Variants in TBC1D17 observed in about 807,000 individuals in gnomAD.
TBC1D17 encodes TBC1 domain family, member 17.
Under a neutral mutation model 78.8 loss-of-function variants are expected in TBC1D17, and 69 were observed. The ratio of observed to expected loss-of-function variants is 0.88; its 90% CI spans 0.72 to 1.07. The LOEUF (loss-of-function observed/expected upper bound fraction) is 1.07. Ranked by LOEUF, TBC1D17 falls within the 50% of genes least tolerant of loss-of-function variation. TBC1D17 has a pLI of 0.00. For missense variants in TBC1D17, 957 were observed against 861.0 expected (o/e 1.11, Z -1.39); for synonymous variants, 456 against 358.3 (o/e 1.27, Z -3.08).
At position 49,887,479 on chromosome 19, in the gene TBC1D17, C is replaced by G. The variant is rs780661941; in HGVS notation, c.1448C>G (p.Ser483Cys). The change falls in exon 14 of 17, where the codon TCC becomes TGC. Residue 483 changes from serine (S) to cysteine (C), a missense_variant. Ser to Cys is a moderately radical substitution (Grantham distance 112, BLOSUM62 -1). Coordinates refer to ENST00000221543, the MANE Select transcript of TBC1D17 (RefSeq NM_024682.3). ...TGGGCTCCATGTCATCCCCCAGATT[C>G]CCAGGACTCCGGCTCTCTCTGCTTC... Reference protein sequence around the residue: ...LDPLLCDFLDSQDSGSLCFCF... With the variant: ...LDPLLCDFLDCQDSGSLCFCF... The G allele has an allele frequency of 1.2e-6, 2 of 1,613,782 alleles. No homozygotes were observed. The highest frequency in any genetic ancestry group is 2.7e-5 in the African/African-American group (2 of 74,948).
chr19:49,886,050 T>C (rs576410161), intron 13 of TBC1D17, among the ~76,000 whole-genome samples: 1 of 145,964 alleles, frequency 6.9e-6, no homozygotes, highest in East Asian at 2.0e-4. Context: ...GAGGCCAAGA[T>C]AGGCAGATCA....
chr19:49,880,288 G>A lies in TBC1D17; in HGVS notation c.205G>A (p.Gly69Arg), dbSNP rs933609968. 6.2e-7 allele frequency: 1 copy of A among 1,614,032 alleles called. No individual in the cohort carries two copies. The highest frequency in any genetic ancestry group is 8.5e-7 in the Non-Finnish European group (1 of 1,179,954). ...CCTTTCCTCTCCTAAGGACTCCAGTGGGGGTGACTCATGTGCTTCTGAGGA... is the reference window on the plus strand; with the variant it reads ...CCTTTCCTCTCCTAAGGACTCCAGTAGGGGTGACTCATGTGCTTCTGAGGA... ...QILFSKKDSS[G>R]GDSCASEEEP... The change falls in exon 4 of 17, where the codon GGG (glycine) becomes AGG (arginine). Residue 69 changes from glycine (G) to arginine (R), a missense_variant. Coordinates refer to ENST00000221543, the MANE Select transcript of TBC1D17 (RefSeq NM_024682.3).
chr19:49,886,166 G>C (rs1246084140), intron 13 of TBC1D17, among the ~76,000 whole-genome samples: 1 of 151,910 alleles, frequency 6.6e-6, no homozygotes, highest in East Asian at 1.9e-4. Context: ...TGTAATCCCA[G>C]CTACTCAGGA....
rs948052040 is a variant in TBC1D17, at chr19:49,887,754, C to A, written c.1579C>A (p.Leu527Met). Residue 527 changes from leucine (L) to methionine (M), a missense_variant, in exon 15 of 17, where the codon CTG (leucine) becomes ATG (methionine). Leu to Met is a conservative substitution (Grantham distance 15). Transcript: ENST00000221543. ...AGGGCTCCCTGGCCCCAATCTGCAC[C>A]TGCTGGTGGCCTGCGCCATCCTGGA... ...WTGLPGPNLHLLVACAILDME... is the reference protein window; with the variant it reads ...WTGLPGPNLHMLVACAILDME... The A allele has an allele frequency of 5.0e-6, 8 of 1,613,514 alleles. No individual in the cohort carries two copies. Among genetic ancestry groups the A allele is most frequent in the Non-Finnish European group, 6.8e-6 (8 of 1,179,924 alleles).
intron 5 of TBC1D17, 101 bp downstream of exon 5, chr19:49,881,576 T>C: frequency 8.5e-7 from 1 of 1,181,954 alleles, no homozygotes; most frequent in Non-Finnish European, 1.2e-6. Context: ...TCACACTGAT[T>C]TAAAGGCAGG....
Position 49,888,713 on chromosome 19 carries a change from A to T in TBC1D17, c.*89A>T, listed in dbSNP as rs1174641603. 8.2e-7 allele frequency: 1 copy of T among 1,221,908 alleles called. No individual in the cohort carries two copies. The highest frequency in any genetic ancestry group is 1.1e-6 in the Non-Finnish European group (1 of 901,328). 75.7% of individuals were successfully genotyped at this position (1,221,908 alleles called of 1,614,324 possible). A position where few individuals can be genotyped will look rare whatever the true frequency, so the allele number is the denominator to read the frequency against. On this transcript the variant is annotated 3_prime_UTR_variant, in exon 17 of 17. Transcript: ENST00000221543. ...GCAGGTGTGCTCCGCCGCCCTGCTG[A>T]TAAGCTGGCTTCATTAAACTGACAC...
Position 49,888,332 on chromosome 19 carries a change from G to T in TBC1D17, c.1746+15G>T. 6.5e-7 allele frequency: 1 copy of T among 1,540,894 alleles called. No individual in the cohort carries two copies. Among genetic ancestry groups the T allele is most frequent in the Non-Finnish European group, 8.7e-7 (1 of 1,143,426 alleles). ...CCGCCTGCCCCGTGAGTCCCCGTCC[G>T]CCCCGCAGCGCCCCGCCCGAACCCC... On this transcript the variant is annotated intron_variant, in intron 16 of 16. Coordinates refer to ENST00000221543, the MANE Select transcript of TBC1D17 (RefSeq NM_024682.3).
At position 49,878,141 on chromosome 19, in the gene TBC1D17, A is replaced by C; in HGVS notation, c.22-2A>C. 6.4e-7 allele frequency: 1 copy of C among 1,574,484 alleles called. No homozygotes were observed. Among genetic ancestry groups the C allele is most frequent in the Non-Finnish European group, 8.6e-7 (1 of 1,160,498 alleles). ...AGCCCTCGCTGGTTCCCCCCAACTC[A>C]GGTGGTGTTTGAGAAGGGCGGAGTG... On this transcript the variant is annotated splice_acceptor_variant, in intron 1 of 16. Transcript: ENST00000221543. LOFTEE classifies it high-confidence loss of function.
chr19:49,887,623 CCTGGG>C (rs1436446447), intron 14 of TBC1D17, 50 bp downstream of exon 14: 2 of 1,611,486 alleles, frequency 1.2e-6, no homozygotes, highest in South Asian at 2.2e-5. Context: ...GCTCACCTGC[CCTGGG>C]AGGTTGGGCG....
chr19:49,884,568 T>A lies in TBC1D17; in HGVS notation c.1344+9T>A. ...GCTTCATGGAGCTCGTGGTGAGGCT[T>A]GGGTCAGGGGTGGGACACAGGCCTA... On this transcript the variant is annotated intron_variant, in intron 12 of 16. Transcript: ENST00000221543. The A allele has an allele frequency of 1.2e-6, 2 of 1,614,074 alleles. No individual in the cohort carries two copies. Among genetic ancestry groups the A allele is most frequent in the Non-Finnish European group, 1.7e-6 (2 of 1,179,978 alleles).
intron 1 of TBC1D17, 86 bp downstream of exon 1, chr19:49,877,830 C>T (rs2122411465): frequency 1.4e-6 from 2 of 1,464,366 alleles, no homozygotes; most frequent in Middle Eastern, 1.7e-4. Context: ...CCTTGGCTCT[C>T]GAGAATCCGG....
chr19:49,886,351 C>T (rs2075058268), intron 13 of TBC1D17, among the ~76,000 whole-genome samples: 2 of 152,156 alleles, frequency 1.3e-5, no homozygotes, highest in Non-Finnish European at 2.9e-5. Context: ...TATTCATGAA[C>T]ATTTCCTCGA....
At position 49,887,864 on chromosome 19, in the gene TBC1D17, C is replaced by A. The variant is rs772758834; in HGVS notation, c.1659+30C>A. The A allele has an allele frequency of 3.2e-6, 5 of 1,551,220 alleles. No homozygotes were observed. In the South Asian group the frequency reaches 4.6e-5, roughly 14 times the overall value. On this transcript the variant is annotated intron_variant, in intron 15 of 16. Coordinates refer to ENST00000221543, the MANE Select transcript of TBC1D17 (RefSeq NM_024682.3). ...GGCTCCGGCCCCGCCCCCGCCCTGT[C>A]CCCCCTGAGCTGGGCGCTGCCCAGG... is the stretch of plus-strand genomic sequence containing the variant.
chr19:49,882,135 A>G lies in TBC1D17; in HGVS notation c.622A>G (p.Ser208Gly). ...CCACCTGCAGCTCTTTGACCAGGACAGCTCCAATGTGGTGTCAGTGAGTGT... is the reference window on the plus strand; with the variant it reads ...CCACCTGCAGCTCTTTGACCAGGACGGCTCCAATGTGGTGTCAGTGAGTGT... ...FHHLQLFDQD[S>G]SNVVSRFLQD... Residue 208 changes from serine (S) to glycine (G), a missense_variant, in exon 6 of 17, where the codon AGC becomes GGC. Transcript: ENST00000221543. 6.2e-7 allele frequency: 1 copy of G among 1,614,058 alleles called. No homozygotes were observed. The highest frequency in any genetic ancestry group is 8.5e-7 in the Non-Finnish European group (1 of 1,179,998).
At chr19:49,878,307 C>A in intron 2 of TBC1D17, 66 bp downstream of exon 2, 1 of 1,464,174 alleles carries the variant, frequency 6.8e-7, no homozygotes, top group Non-Finnish European at 9.3e-7. Flanking sequence ...GGGATGCAGG[C>A]GGCAGCTGTA....
At chr19:49,884,077 G>A (rs118135019) in intron 10 of TBC1D17, among the ~76,000 whole-genome samples, 176 bp from the exon 11 acceptor site, 145 of 152,278 alleles carry the variant, frequency 9.5e-4, no homozygotes, top group South Asian at 4.1e-3. Context: ...GAGGCCTGGC[G>A]CCTCACAGCA....
intron 7 of TBC1D17, among the ~76,000 whole-genome samples, 182 bp downstream of exon 7, chr19:49,882,582 A>AT (rs1291965819): frequency 6.6e-6 from 1 of 152,154 alleles, no homozygotes; most frequent in Non-Finnish European, 1.5e-5. Flanking sequence ...GCTCACCCTT[A>AT]TTGGGGGACC....
In TBC1D17 at chr19:49,877,717, G is replaced by A. The variant is rs374711579; in HGVS notation, c.-7G>A. 4.4e-6 allele frequency: 7 copies of A among 1,600,216 alleles called. No individual in the cohort carries two copies. In the African/African-American group the frequency reaches 9.4e-5, roughly 21 times the overall value. The stretch of plus-strand genomic sequence containing the variant: ...GAGGCGGGGCAGTGGGGCCTTCGGC[G>A]GCGACTATGGAAGGAGCCGGCTACA... On this transcript the variant is annotated 5_prime_UTR_variant, in exon 1 of 17. Coordinates refer to ENST00000221543, the MANE Select transcript of TBC1D17 (RefSeq NM_024682.3).
At chr19:49,878,624 G>A (rs887875482) in intron 3 of TBC1D17, 52 bp downstream of exon 3, 2 of 1,561,456 alleles carry the variant, frequency 1.3e-6, no homozygotes, top group Non-Finnish European at 1.8e-6. Context: ...CTAGGTCCGT[G>A]CTGTTGTAAG....
Sources: allele counts gnomAD v4.1 joint callset (sites outside exome capture counted in the v4.1 genomes callset), GRCh38; gene constraint gnomAD v4.1.1; transcripts MANE v1.5; gene names NCBI Gene and HGNC (gene_info 2026-07-23, HGNC 2026-07-21).